The following TMEM117 variants were observed in gnomAD, a reference collection of about 807,000 sequenced individuals.
The protein encoded by TMEM117 is transmembrane protein 117.
A neutral mutation model predicts 52.4 loss-of-function variants in TMEM117; 27 were observed. The ratio of observed to expected loss-of-function variants is 0.51; its 90% CI spans 0.38 to 0.71. TMEM117 has a LOEUF of 0.71. Among genes scored for constraint, TMEM117 ranks in the 30% least tolerant of loss-of-function variants. The pLI is 0.00. For synonymous variants in TMEM117, 215 were observed against 206.3 expected (o/e 1.04, Z -0.36); for missense variants, 556 against 630.5 (o/e 0.88, Z 1.26).
At chr12:44,292,715 C>T (rs1272373049) in intron 5 of TMEM117, among the ~76,000 whole-genome samples, 1 of 151,766 alleles carries the variant, frequency 6.6e-6, no homozygotes, top group Admixed American at 6.6e-5. Flanking sequence ...CTTCTTTGAC[C>T]CATTGGTTGT....
At chr12:44,277,611 T>C (rs1950529831) in intron 5 of TMEM117, among the ~76,000 whole-genome samples, 1 of 152,012 alleles carries the variant, frequency 6.6e-6, no homozygotes, top group Non-Finnish European at 1.5e-5. Context: ...AGAACTGAAG[T>C]CCCCATTTTC....
At chr12:43,887,677 A>G (rs1245153756) in intron 2 of TMEM117, among the ~76,000 whole-genome samples, 1 of 152,200 alleles carries the variant, frequency 6.6e-6, no homozygotes, top group Non-Finnish European at 1.5e-5. Flanking sequence ...GGATGGAAAA[A>G]AATTCAGCAG....
At chr12:43,836,905 T>G (rs1943040967) in intron 1 of TMEM117, among the ~76,000 whole-genome samples, 1 of 152,108 alleles carries the variant, frequency 6.6e-6, no homozygotes, top group South Asian at 2.1e-4. Context: ...TATAAGGGTA[T>G]GTATTGCCCC....
At chr12:44,345,383 T>C (rs1242983989) in intron 6 of TMEM117, among the ~76,000 whole-genome samples, 1 of 152,162 alleles carries the variant, frequency 6.6e-6, no homozygotes, top group Non-Finnish European at 1.5e-5. Flanking sequence ...CTGACACAGA[T>C]TCAATTTCTA....
intron 4 of TMEM117, among the ~76,000 whole-genome samples, chr12:44,157,400 C>T (rs562172305): frequency 6.6e-6 from 1 of 152,222 alleles, no homozygotes; most frequent in South Asian, 2.1e-4. Flanking sequence ...TAAAAAATTA[C>T]AGTGTTTCAT....
chr12:44,341,892 G>A (rs1461759052), intron 6 of TMEM117, among the ~76,000 whole-genome samples: 2 of 152,138 alleles, frequency 1.3e-5, no homozygotes, highest in African/African-American at 4.8e-5. Context: ...AAGCAGTGAG[G>A]CACTCCAGCA....
At chr12:43,804,472 A>G in the TMEM117 span, 104 of 1,454,640 alleles carry the variant, frequency 7.1e-5, no homozygotes, top group Non-Finnish European at 9.4e-5. Flanking sequence ...GGAACAGAAA[A>G]TATTTTAAAA....
intron 6 of TMEM117, among the ~76,000 whole-genome samples, chr12:44,345,058 A>C (rs1366667081): frequency 1.3e-5 from 2 of 151,880 alleles, no homozygotes; most frequent in African/African-American, 4.8e-5. Context: ...TGGGAAGAAG[A>C]ATGAGATTTC....
chr12:44,209,021 G>A (rs1384816333), intron 4 of TMEM117, among the ~76,000 whole-genome samples: 1 of 151,902 alleles, frequency 6.6e-6, no homozygotes, highest in Admixed American at 6.6e-5. Flanking sequence ...TCTTTTAAAA[G>A]TCTAATGCAA....
chr12:43,991,724 G>A (rs1592421228), intron 3 of TMEM117, among the ~76,000 whole-genome samples: 2 of 152,282 alleles, frequency 1.3e-5, no homozygotes, highest in South Asian at 4.1e-4. Context: ...GAGAGAGAGA[G>A]AGCAAGAGTG....
At chr12:44,142,501 T>A (rs2138197915) in intron 3 of TMEM117, among the ~76,000 whole-genome samples, 1 of 152,284 alleles carries the variant, frequency 6.6e-6, no homozygotes, top group South Asian at 2.1e-4. Context: ...ATAGTTTACC[T>A]CTCAGTGACT....
intron 6 of TMEM117, among the ~76,000 whole-genome samples, chr12:44,356,418 A>G (rs1182039732): frequency 6.6e-6 from 1 of 152,110 alleles, no homozygotes; most frequent in Non-Finnish European, 1.5e-5. Context: ...ACAGAATAAG[A>G]GAGGTCAGAG....
At chr12:43,859,938 T>G (rs1201835693) in intron 2 of TMEM117, among the ~76,000 whole-genome samples, 4 of 152,200 alleles carry the variant, frequency 2.6e-5, no homozygotes, top group Non-Finnish European at 5.9e-5. Context: ...TTCTGGTGGT[T>G]ATTTGTGACA....
At chr12:43,852,525 C>A (rs1435359667) in intron 2 of TMEM117, among the ~76,000 whole-genome samples, 3 of 152,170 alleles carry the variant, frequency 2.0e-5, no homozygotes, top group African/African-American at 7.2e-5. Flanking sequence ...TCACTTGAAC[C>A]CAGGAGGCAG....
chr12:44,260,275 T>A (rs1194662662), intron 5 of TMEM117, among the ~76,000 whole-genome samples: 1 of 152,226 alleles, frequency 6.6e-6, no homozygotes, highest in Non-Finnish European at 1.5e-5. Flanking sequence ...AATGAGATTG[T>A]GTCTTACAGA....
rs1226115295 is a variant in TMEM117, at chr12:44,294,070, G to T, written c.609-5510G>T. 2.0e-5 allele frequency among the ~76,000 whole-genome samples: 3 copies of T among 152,066 alleles called. No homozygotes were observed. In the East Asian group the frequency reaches 5.8e-4, roughly 29 times the overall value. ...ACATTTCTGAAAGACAGCCTTGTTGGATATAGCATTCTTTTTTAACTCTTC... is the reference window on the plus strand; with the variant it reads ...ACATTTCTGAAAGACAGCCTTGTTGTATATAGCATTCTTTTTTAACTCTTC... On this transcript the variant is annotated intron_variant, in intron 5 of 7. Coordinates refer to ENST00000266534, the MANE Select transcript of TMEM117 (RefSeq NM_032256.3).
At chr12:44,215,193 A>G (rs1342481339) in intron 5 of TMEM117, among the ~76,000 whole-genome samples, 1 of 152,222 alleles carries the variant, frequency 6.6e-6, no homozygotes, top group Non-Finnish European at 1.5e-5. Context: ...GCAGCACAAC[A>G]TGTAATTTTG....
At chr12:44,003,760 T>C (rs1946151299) in intron 3 of TMEM117, among the ~76,000 whole-genome samples, 1 of 152,238 alleles carries the variant, frequency 6.6e-6, no homozygotes, top group Non-Finnish European at 1.5e-5. Flanking sequence ...TGCAGTAGAA[T>C]GACATCTTTC....
At chr12:44,347,074 TACAC>T (rs143874387) in intron 6 of TMEM117, among the ~76,000 whole-genome samples, 8 of 150,324 alleles carry the variant, frequency 5.3e-5, no homozygotes, top group African/African-American at 1.9e-4. Flanking sequence ...AATCTGCCTT[TACAC>T]ACACACACAC....
Sources: gnomAD v4.1 joint callset for allele counts (sites outside exome capture counted in the v4.1 genomes callset) on GRCh38, gnomAD v4.1.1 for gene constraint, MANE v1.5 for transcripts, NCBI Gene and HGNC (gene_info 2026-07-23, HGNC 2026-07-21) for gene names.